Variants in RNF115 observed in about 807,000 individuals in gnomAD.
The protein encoded by RNF115 is ring finger protein 115.
A neutral mutation model predicts 39.2 loss-of-function variants in RNF115; 31 were observed. The ratio of observed to expected loss-of-function variants is 0.79; its 90% CI spans 0.59 to 1.07. The LOEUF is 1.07. RNF115 is among the 50% of genes least tolerant of loss of function. The pLI is 0.00. For synonymous variants in RNF115, 124 were observed against 131.0 expected (o/e 0.95, Z 0.37); for missense variants, 384 against 381.7 (o/e 1.01, Z -0.05).
intron 1 of RNF115, among the ~76,000 whole-genome samples, chr1:145,789,980 G>A (rs1331846063): frequency 6.6e-6 from 1 of 151,966 alleles, no homozygotes; most frequent in South Asian, 2.1e-4. Flanking sequence ...TTACAGGCAC[G>A]AGCCACCACG....
intron 3 of RNF115, among the ~76,000 whole-genome samples, chr1:145,781,289 G>C (rs1648136240): frequency 1.3e-5 from 2 of 152,236 alleles, no homozygotes; most frequent in South Asian, 4.1e-4. Context: ...TGTACAAGCA[G>C]CTCCAGCTAA....
chr1:145,800,403 T>C (rs1373795631), intron 1 of RNF115, among the ~76,000 whole-genome samples: 2 of 152,160 alleles, frequency 1.3e-5, no homozygotes, highest in Non-Finnish European at 2.9e-5. Flanking sequence ...AGCCCATATA[T>C]TCTTCTGCAA....
At chr1:145,761,635 A>G (rs1553713862) in intron 4 of RNF115, among the ~76,000 whole-genome samples, 16 of 152,230 alleles carry the variant, frequency 1.1e-4, no homozygotes. Flanking sequence ...TGCCCAGGCA[A>G]AAGTTTGCTG....
intron 3 of RNF115, among the ~76,000 whole-genome samples, chr1:145,780,886 G>A (rs1329757686): frequency 1.3e-4 from 20 of 152,056 alleles, no homozygotes; most frequent in Admixed American, 1.3e-3. Context: ...GAGACTCTAA[G>A]ATCAGATGAC....
At chr1:145,807,736 C>T (rs977259704) in intron 1 of RNF115, among the ~76,000 whole-genome samples, 3 of 152,080 alleles carry the variant, frequency 2.0e-5, no homozygotes, top group African/African-American at 7.2e-5. Context: ...TTGTTGTTAA[C>T]TTTAGTCACT....
rs1325926662 is a variant in RNF115 at position 145,743,466 on chromosome 1, T to C, written c.*3400A>G. 1 of 152,176 alleles carries C rather than the reference T, an allele frequency of 6.6e-6. No individual in the cohort carries two copies. The highest frequency in any genetic ancestry group is 2.4e-5 in the African/African-American group (1 of 41,424). The allele number at this position is 152,176 out of a possible 1,614,324, so 9.4% of individuals were successfully genotyped here. A position where few individuals can be genotyped will look rare whatever the true frequency, so the allele number is the denominator to read the frequency against. ...TCTTGGGATTTCTCAAACTCCATTA[T>C]TGTGTGAACCAATTCCTTATAATAA... On this transcript the variant is annotated 3_prime_UTR_variant, in exon 9 of 9. Coordinates refer to ENST00000582693, the MANE Select transcript of RNF115 (RefSeq NM_014455.4).
In RNF115 at chr1:145,744,383, A is replaced by G. The variant is rs1341526979; in HGVS notation, c.*2483T>C. On this transcript the variant is annotated 3_prime_UTR_variant, in exon 9 of 9. Transcript: ENST00000582693. ...AAGCTACATTTCAGGGGCAACGCACAGTAAGTAGATCTCATTCCCCAAATA... is the reference window on the plus strand; with the variant it reads ...AAGCTACATTTCAGGGGCAACGCACGGTAAGTAGATCTCATTCCCCAAATA... The G allele has an allele frequency of 6.6e-6, 1 of 152,352 alleles. No homozygotes were observed. Among genetic ancestry groups the G allele is most frequent in the Non-Finnish European group, 1.5e-5 (1 of 68,084 alleles). 9.4% of individuals were successfully genotyped at this position (152,352 alleles called of 1,614,324 possible).
chr1:145,785,135 C>A (rs1553717959), intron 2 of RNF115, among the ~76,000 whole-genome samples: 1 of 151,652 alleles, frequency 6.6e-6, no homozygotes, highest in Non-Finnish European at 1.5e-5. Context: ...TCCATCAAGC[C>A]CTTCTGAACT....
chr1:145,747,844 C>T (rs1246833596), intron 8 of RNF115, 151 bp downstream of exon 8: 3 of 601,856 alleles, frequency 5.0e-6, no homozygotes, highest in Middle Eastern at 3.1e-4. Context: ...AGTTTGCAAC[C>T]CTTGGTCAGA....
rs782188593 is a variant in RNF115 at position 145,740,898 on chromosome 1, C to A, written c.*5968G>T. The A allele has an allele frequency of 6.6e-6, 1 of 152,244 alleles. No homozygotes were observed. The highest frequency in any genetic ancestry group is 1.5e-5 in the Non-Finnish European group (1 of 68,052). The allele number at this position is 152,244 out of a possible 1,614,324, so 9.4% of individuals were successfully genotyped here. On this transcript the variant is annotated 3_prime_UTR_variant, in exon 9 of 9. Coordinates refer to ENST00000582693, the MANE Select transcript of RNF115 (RefSeq NM_014455.4). The stretch of plus-strand genomic sequence containing the variant: ...TCTCTGTTGCCCTGGAGTGCAGTGG[C>A]ACAATCTTGGCTCACTACAACCTCT...
chr1:145,766,175 A>T (rs868972510), intron 4 of RNF115, among the ~76,000 whole-genome samples: 2 of 152,028 alleles, frequency 1.3e-5, no homozygotes, highest in East Asian at 3.9e-4. Flanking sequence ...GGGTACTTGA[A>T]ATTAGGGAGT....
chr1:145,760,833 G>A (rs1216528378), intron 4 of RNF115, among the ~76,000 whole-genome samples: 4 of 152,176 alleles, frequency 2.6e-5, no homozygotes, highest in African/African-American at 9.7e-5. Flanking sequence ...CAGTTTGAAG[G>A]GCTCAGAAGA....
intron 3 of RNF115, among the ~76,000 whole-genome samples, chr1:145,778,605 A>C (rs770538848): frequency 3.3e-5 from 5 of 152,186 alleles, no homozygotes; most frequent in African/African-American, 9.7e-5. Context: ...TTTTGTGAAA[A>C]CATTAAAGCA....
At chr1:145,821,946 A>C (rs1650265798) in intron 1 of RNF115, among the ~76,000 whole-genome samples, 1 of 144,616 alleles carries the variant, frequency 6.9e-6, no homozygotes, top group Admixed American at 7.0e-5. Flanking sequence ...TGTTGGCTGG[A>C]AAAAAACTAG....
chr1:145,813,315 C>G (rs587693374), intron 1 of RNF115, among the ~76,000 whole-genome samples: 1 of 151,630 alleles, frequency 6.6e-6, no homozygotes, highest in African/African-American at 2.4e-5. Context: ...TTTGAAGAAA[C>G]TAAAAGGTTA....
chr1:145,748,897 A>T (rs1553712108), intron 7 of RNF115, among the ~76,000 whole-genome samples: 1 of 150,838 alleles, frequency 6.6e-6, no homozygotes, highest in Non-Finnish European at 1.5e-5. Context: ...AAAAAAAAAA[A>T]TTATTAATAA....
chr1:145,815,979 AAT>A (rs1236069376), intron 1 of RNF115, among the ~76,000 whole-genome samples: 29 of 140,184 alleles, frequency 2.1e-4, no homozygotes, highest in African/African-American at 6.9e-4. Context: ...AATGCCACTA[AAT>A]ATGTTTTCAT....
intron 4 of RNF115, among the ~76,000 whole-genome samples, chr1:145,757,623 C>G (rs1159884863): frequency 6.6e-6 from 1 of 152,204 alleles, no homozygotes; most frequent in Non-Finnish European, 1.5e-5. Context: ...ATTCCAGAGT[C>G]ACAGAGAAGA....
In RNF115 at chr1:145,756,317, G is replaced by A. The variant is rs145197926; in HGVS notation, c.429-3268C>T. 3.4e-4 allele frequency among the ~76,000 whole-genome samples: 51 copies of A among 152,098 alleles called. 1 individual carries two copies. Among genetic ancestry groups the A allele is most frequent in the East Asian group, 1.4e-3 (7 of 5,168 alleles). On this transcript the variant is annotated intron_variant, in intron 4 of 8. Transcript: ENST00000582693. ...TCTACTAAAAATACAAAAATTAGCC[G>A]GGCATGGTGGCACACACCTGTAATG...
Sources: allele counts gnomAD v4.1 joint callset (sites outside exome capture counted in the v4.1 genomes callset), GRCh38; gene constraint gnomAD v4.1.1; transcripts MANE v1.5; gene names NCBI Gene and HGNC (gene_info 2026-07-23, HGNC 2026-07-21).